The following CFAP299 variants were observed in gnomAD, a reference collection of about 807,000 sequenced individuals.
CFAP299 encodes the protein cilia and flagella associated protein 299.
In CFAP299, 21 loss-of-function variants were observed where a neutral mutation model predicts 27.0. That is an observed-to-expected ratio of 0.78 (90% CI 0.55 to 1.12). The LOEUF is 1.12. Ranked by LOEUF, CFAP299 falls within the 50% of genes most tolerant of loss-of-function variation. The pLI is 0.00. For missense variants in CFAP299, 310 were observed against 276.6 expected (o/e 1.12, Z -0.86); for synonymous variants, 104 against 98.1 (o/e 1.06, Z -0.36).
chr4:80,601,998 G>A (rs868158538), intron 3 of CFAP299, among the ~76,000 whole-genome samples: 13 of 152,258 alleles, frequency 8.5e-5, no homozygotes, highest in Middle Eastern at 3.4e-3. Context: ...CTTATAAGCG[G>A]GAGCTAAATG....
At chr4:80,358,856 T>G (rs2109993739) in intron 1 of CFAP299, among the ~76,000 whole-genome samples, 1 of 152,326 alleles carries the variant, frequency 6.6e-6, no homozygotes, top group African/African-American at 2.4e-5. Flanking sequence ...TTTGATCCTG[T>G]CACCACAGTT....
At chr4:80,628,847 G>T (rs199580736) in intron 3 of CFAP299, among the ~76,000 whole-genome samples, 1 of 152,122 alleles carries the variant, frequency 6.6e-6, no homozygotes, top group Admixed American at 6.6e-5. Context: ...TGCGGCAAAG[G>T]GAACCCTTGC....
At chr4:80,432,672 A>T (rs893043371) in intron 2 of CFAP299, among the ~76,000 whole-genome samples, 1 of 151,506 alleles carries the variant, frequency 6.6e-6, no homozygotes, top group African/African-American at 2.4e-5. Context: ...AGCTGGGACT[A>T]CAGGCGCCCA....
At chr4:80,401,252 A>C (rs1432088566) in intron 2 of CFAP299, among the ~76,000 whole-genome samples, 1 of 152,170 alleles carries the variant, frequency 6.6e-6, no homozygotes, top group African/African-American at 2.4e-5. Flanking sequence ...CAAGAAGCCT[A>C]ATGTTAATCC....
intron 3 of CFAP299, among the ~76,000 whole-genome samples, chr4:80,637,507 A>G (rs1367092391): frequency 6.6e-6 from 1 of 152,168 alleles, no homozygotes; most frequent in African/African-American, 2.4e-5. Context: ...GGTAATAACA[A>G]GGTGGTCAGT....
At chr4:80,371,086 T>C (rs537382211) in intron 2 of CFAP299, among the ~76,000 whole-genome samples, 2 of 152,312 alleles carry the variant, frequency 1.3e-5, no homozygotes, top group Admixed American at 6.5e-5. Context: ...TGTGCACTTG[T>C]AGTCCTAACA....
At chr4:80,358,177 TTTGA>T (rs1190890017) in intron 1 of CFAP299, among the ~76,000 whole-genome samples, 1 of 152,196 alleles carries the variant, frequency 6.6e-6, no homozygotes, top group Non-Finnish European at 1.5e-5. Flanking sequence ...TGATTTCTAG[TTTGA>T]TTGTGCTTTG....
chr4:80,949,550 A>AC (rs1560489365), intron 5 of CFAP299, among the ~76,000 whole-genome samples: 12 of 151,696 alleles, frequency 7.9e-5, no homozygotes, highest in Middle Eastern at 3.2e-3. Context: ...CAACAACAAA[A>AC]AAAAAAAGAA....
At chr4:80,694,932 T>C (rs1006764829) in intron 3 of CFAP299, among the ~76,000 whole-genome samples, 8 of 152,200 alleles carry the variant, frequency 5.3e-5, no homozygotes, top group Non-Finnish European at 1.2e-4. Flanking sequence ...CTCCATAACC[T>C]GAATTTTTGT....
chr4:80,322,561 T>A, the CFAP299 span, among the ~76,000 whole-genome samples: 1 of 152,124 alleles, frequency 6.6e-6, no homozygotes, highest in African/African-American at 2.4e-5. Context: ...GTCAAGGGGA[T>A]ATAAACAGAT....
chr4:80,591,920 C>A (rs1423370805), intron 3 of CFAP299, among the ~76,000 whole-genome samples: 1 of 152,172 alleles, frequency 6.6e-6, no homozygotes, highest in Non-Finnish European at 1.5e-5. Context: ...AGAGAATAAT[C>A]ATTTAGTAGA....
intron 3 of CFAP299, among the ~76,000 whole-genome samples, chr4:80,711,437 C>G (rs1226097713): frequency 1.3e-5 from 2 of 152,186 alleles, no homozygotes; most frequent in African/African-American, 4.8e-5. Context: ...TGCCTACAGC[C>G]CCACTGAGTG....
rs564234974 is a variant in CFAP299, at chr4:80,855,757, T to G, written c.334-14236T>G. On this transcript the variant is annotated intron_variant, in intron 3 of 5. Coordinates refer to ENST00000358105, the MANE Select transcript of CFAP299 (RefSeq NM_152770.3). ...GAACTCATCATTTTTTATGGCTGCA[T>G]AGTATTCCACGGTGTATATGTGCCA... 8.5e-3 allele frequency among the ~76,000 whole-genome samples: 1,302 copies of G among 152,350 alleles called. 10 individuals carry two copies. Among genetic ancestry groups the G allele is most frequent in the Middle Eastern group, 0.014 (4 of 294 alleles).
At chr4:80,722,192 C>T (rs950748327) in intron 3 of CFAP299, among the ~76,000 whole-genome samples, 4 of 151,888 alleles carry the variant, frequency 2.6e-5, no homozygotes, top group African/African-American at 7.3e-5. Context: ...CTGAGGTGGG[C>T]GGATCACCTG....
intron 3 of CFAP299, among the ~76,000 whole-genome samples, chr4:80,640,256 C>CCT: frequency 6.6e-6 from 1 of 152,152 alleles, no homozygotes; most frequent in South Asian, 2.1e-4. Flanking sequence ...AATGGTAAGT[C>CCT]GTTAGGCCTG....
chr4:80,433,643 A>C (rs1334275889), intron 2 of CFAP299, among the ~76,000 whole-genome samples: 1 of 152,114 alleles, frequency 6.6e-6, no homozygotes, highest in South Asian at 2.1e-4. Flanking sequence ...TTTTTTGCTA[A>C]AATCTTAAGT....
intron 3 of CFAP299, among the ~76,000 whole-genome samples, chr4:80,860,066 G>A (rs1381436076): frequency 6.6e-6 from 1 of 152,034 alleles, no homozygotes; most frequent in East Asian, 1.9e-4. Flanking sequence ...CGTAGATTTG[G>A]TCTTTTCACA....
intron 3 of CFAP299, among the ~76,000 whole-genome samples, chr4:80,751,135 A>G (rs1484768684): frequency 1.3e-5 from 2 of 152,034 alleles, no homozygotes; most frequent in Non-Finnish European, 2.9e-5. Context: ...ATTGATTCTT[A>G]TCTTTGTGGG....
chr4:80,735,977 T>C (rs1723839472), intron 3 of CFAP299, among the ~76,000 whole-genome samples: 1 of 152,140 alleles, frequency 6.6e-6, no homozygotes, highest in African/African-American at 2.4e-5. Context: ...TATTCCTTTC[T>C]CTATTTTTCA....
Sources: allele counts gnomAD v4.1 joint callset (sites outside exome capture counted in the v4.1 genomes callset), GRCh38; gene constraint gnomAD v4.1.1; transcripts MANE v1.5; gene names NCBI Gene and HGNC (gene_info 2026-07-23, HGNC 2026-07-21).